The following RELT variants were observed in gnomAD, a reference collection of about 807,000 sequenced individuals.
The protein encoded by RELT is tumor necrosis factor receptor superfamily member 19L.
Under a neutral mutation model 51.1 loss-of-function variants are expected in RELT, and 37 were observed. The ratio of observed to expected loss-of-function variants is 0.72; its 90% CI spans 0.56 to 0.95. RELT has a LOEUF of 0.95. Among genes scored for constraint, RELT ranks in the 40% least tolerant of loss-of-function variants. The pLI, the probability that RELT is intolerant of heterozygous loss-of-function variation, is 0.00. For missense variants in RELT, 535 were observed against 572.6 expected, an observed-to-expected ratio of 0.93 and a Z score of 0.67; for synonymous variants, 241 against 235.7, an observed-to-expected ratio of 1.02 and a Z score of -0.21.
chr11:73,390,218 C>T (rs1866188095), intron 2 of RELT, among the ~76,000 whole-genome samples: 1 of 152,112 alleles, frequency 6.6e-6, no homozygotes, highest in Non-Finnish European at 1.5e-5. Flanking sequence ...GGGCAGAATA[C>T]GAGAGAGGAT....
chr11:73,395,180 C>G lies in RELT; in HGVS notation c.1140C>G (p.Leu380=). Residue 380 remains leucine (L), a synonymous_variant, in exon 10 of 11, where the codon CTC becomes CTG. Coordinates refer to ENST00000064780, the MANE Select transcript of RELT (RefSeq NM_152222.2). ...AGGCTGGGCCCTCGTGGGGTGATCTCCCTGACTCCCCACAGCCTGGCCTCC... is the reference window on the plus strand; with the variant it reads ...AGGCTGGGCCCTCGTGGGGTGATCTGCCTGACTCCCCACAGCCTGGCCTCC... ...ITEAGPSWGD[L]PDSPQPGLPP... 6.2e-7 allele frequency: 1 copy of G among 1,613,278 alleles called. No individual in the cohort carries two copies.
intron 1 of RELT, among the ~76,000 whole-genome samples, chr11:73,383,891 C>T (rs142592350): frequency 2.4e-4 from 37 of 152,364 alleles, no homozygotes; most frequent in Non-Finnish European, 5.0e-4. Context: ...GCCAGGGAAC[C>T]GCTGGGCTCC....
chr11:73,393,517 G>C (rs1437678432), intron 6 of RELT: 5 of 1,271,462 alleles, frequency 3.9e-6, no homozygotes, highest in African/African-American at 1.5e-5. Context: ...AGGCTGAGGA[G>C]GAGACAGTGC....
At chr11:73,379,867 T>TGAGGCCTTTCCTTCC (rs1195667259) in intron 1 of RELT, among the ~76,000 whole-genome samples, 1 of 152,240 alleles carries the variant, frequency 6.6e-6, no homozygotes, top group African/African-American at 2.4e-5. Context: ...CACCTGGCAA[T>TGAGGCCTTTCCTTCC]GAGGCCTTTC....
chr11:73,385,005 C>A (rs1378637006), intron 1 of RELT, among the ~76,000 whole-genome samples: 1 of 146,182 alleles, frequency 6.8e-6, no homozygotes, highest in African/African-American at 2.6e-5. Context: ...GCGTGGCAGG[C>A]GTGTGGGTGG....
chr11:73,388,960 C>T lies in RELT; in HGVS notation c.-25-152C>T, dbSNP rs991254838. Among the ~76,000 whole-genome samples the T allele has an allele frequency of 2.6e-5, 4 of 152,164 alleles. No homozygotes were observed. The highest frequency in any genetic ancestry group is 4.4e-5 in the Non-Finnish European group (3 of 68,012). ...CCCCCTCTGCTTGGGCCTGTGCTTG[C>T]GGGTGTGGAGCCGGCCTCCCCGGGC... On this transcript the variant is annotated intron_variant, in intron 1 of 10. Coordinates refer to ENST00000064780, the MANE Select transcript of RELT (RefSeq NM_152222.2). The surrounding 1 kb of genome is among the most constrained non-coding windows in gnomAD (Gnocchi z 4.1).
intron 4 of RELT, 44 bp downstream of exon 4, chr11:73,390,965 A>T: frequency 6.3e-7 from 1 of 1,596,612 alleles, no homozygotes; most frequent in South Asian, 1.1e-5. Flanking sequence ...CTGGGTGACC[A>T]GGACTCTGGA....
Position 73,394,470 on chromosome 11 carries a change from C to T in RELT, c.789-7C>T. 6.2e-7 allele frequency: 1 copy of T among 1,610,126 alleles called. No individual in the cohort carries two copies. Among genetic ancestry groups the T allele is most frequent in the Non-Finnish European group, 8.5e-7 (1 of 1,178,000 alleles). Reference sequence around the variant, plus strand: ...CCTATGGCCACTTCTGCCTGTGCCCCCTGCAGGCTGCCGCCAGCGCCCCCG... The same window carrying T: ...CCTATGGCCACTTCTGCCTGTGCCCTCTGCAGGCTGCCGCCAGCGCCCCCG... On this transcript the variant is annotated splice_polypyrimidine_tract_variant and splice_region_variant and intron_variant, in intron 8 of 10. Coordinates refer to ENST00000064780, the MANE Select transcript of RELT (RefSeq NM_152222.2). This position sits in a 1 kb window ranked among gnomAD's most constrained non-coding sequence, Gnocchi z 4.9.
chr11:73,378,558 G>A (rs1565217202), intron 1 of RELT, among the ~76,000 whole-genome samples: 2 of 152,220 alleles, frequency 1.3e-5, no homozygotes, highest in Non-Finnish European at 2.9e-5. Flanking sequence ...GTGAGATGCT[G>A]GGAGAGAGGA....
chr11:73,395,735 G>A lies in RELT; in HGVS notation c.*244G>A, dbSNP rs1021090807. The A allele has an allele frequency of 1.6e-5, 9 of 570,768 alleles. No individual in the cohort carries two copies. Among genetic ancestry groups the A allele is most frequent in the Non-Finnish European group, 2.5e-5 (8 of 319,434 alleles). 35.4% of individuals were successfully genotyped at this position (570,768 alleles called of 1,614,324 possible). On this transcript the variant is annotated 3_prime_UTR_variant, in exon 11 of 11. Coordinates refer to ENST00000064780, the MANE Select transcript of RELT (RefSeq NM_152222.2). ...GGCCCTGCTGCCATGTTGCTCCCCT[G>A]AAGGATGCCCCGACCCCCGTGCCTG...
chr11:73,377,946 C>T (rs1865996186), intron 1 of RELT, among the ~76,000 whole-genome samples: 3 of 152,176 alleles, frequency 2.0e-5, no homozygotes, highest in Admixed American at 2.0e-4. Flanking sequence ...GTCAAGGAAA[C>T]GTTAGCCTCC....
At position 73,396,813 on chromosome 11, in the gene RELT, G is replaced by A. The variant is rs1320431751; in HGVS notation, c.*1322G>A. ...CCAGAGGAGACCCATCAACTCATCT[G>A]GTTCTCACCAAAGCCCCTAGCTAGA... On this transcript the variant is annotated 3_prime_UTR_variant, in exon 11 of 11. Coordinates refer to ENST00000064780, the MANE Select transcript of RELT (RefSeq NM_152222.2). 6.6e-6 allele frequency: 1 copy of A among 152,224 alleles called. No individual in the cohort carries two copies. The highest frequency in any genetic ancestry group is 1.5e-5 in the Non-Finnish European group (1 of 68,046). The allele number at this position is 152,224 out of a possible 1,614,324, so 9.4% of individuals were successfully genotyped here. A position where few individuals can be genotyped will look rare whatever the true frequency, so the allele number is the denominator to read the frequency against.
In RELT at chr11:73,395,118, A is replaced by C. The variant is rs1401717205; in HGVS notation, c.1078A>C (p.Thr360Pro). 5 of 1,613,516 alleles carry C rather than the reference A, an allele frequency of 3.1e-6. No individual in the cohort carries two copies. The highest frequency in any genetic ancestry group is 3.3e-4 in the Middle Eastern group (2 of 6,084). ...FRVARIPEQR[T>P]SSMVSEVKTI... ...CGTGGCTCGAATTCCTGAGCAGCGG[A>C]CAAGTTCAATGGTGTCTGAGGTGAA... Residue 360 changes from threonine to proline, a missense_variant, in exon 10 of 11, where the codon ACA becomes CCA. Thr to Pro is a conservative substitution (Grantham distance 38). Coordinates refer to ENST00000064780, the MANE Select transcript of RELT (RefSeq NM_152222.2).
At chr11:73,377,271 T>TGTGTGTGTGTGTGTGG (rs759521139) in intron 1 of RELT, among the ~76,000 whole-genome samples, 2 of 149,526 alleles carry the variant, frequency 1.3e-5, no homozygotes, top group Middle Eastern at 3.2e-3. Context: ...GTGGTGTCAG[T>TGTGTGTGTGTGTGTGG]GTGTGTGTGT....
chr11:73,390,225 G>A (rs1866188201), intron 2 of RELT, among the ~76,000 whole-genome samples: 1 of 152,142 alleles, frequency 6.6e-6, no homozygotes, highest in South Asian at 2.1e-4. Flanking sequence ...ATACGAGAGA[G>A]GATTCGGAAG....
chr11:73,395,194 A>G lies in RELT; in HGVS notation c.1154A>G (p.Gln385Arg), dbSNP rs1866295567. The part of the protein sequence containing the change: ...PSWGDLPDSP[Q>R]PGLPPEQQAL... The stretch of plus-strand genomic sequence containing the variant: ...TGGGGTGATCTCCCTGACTCCCCAC[A>G]GCCTGGCCTCCCCCCTGAGCAGCAG... The change falls in exon 10 of 11, where the codon CAG becomes CGG. Residue 385 changes from glutamine (Q) to arginine (R), a missense_variant. Coordinates refer to ENST00000064780, the MANE Select transcript of RELT (RefSeq NM_152222.2). 1 of 1,613,150 alleles carries G rather than the reference A, an allele frequency of 6.2e-7. No individual in the cohort carries two copies. The highest frequency in any genetic ancestry group is 1.3e-5 in the African/African-American group (1 of 74,912).
rs1866286494 is a variant in RELT, at chr11:73,394,900, T to C, written c.1046+166T>C. 4.3e-6 allele frequency: 4 copies of C among 939,638 alleles called. No homozygotes were observed. The highest frequency in any genetic ancestry group is 6.3e-6 in the Non-Finnish European group (4 of 636,448). The allele number at this position is 939,638 out of a possible 1,614,324, so 58.2% of individuals were successfully genotyped here. On this transcript the variant is annotated intron_variant, in intron 9 of 10. Transcript: ENST00000064780. The surrounding 1 kb of genome is among the most constrained non-coding windows in gnomAD (Gnocchi z 4.9). ...GAGGCGGCCAGAGAGATCAGGACTT[T>C]CCGGTTATGTTGTGTCTCACATGGA...
chr11:73,391,291 C>T, intron 5 of RELT, 68 bp downstream of exon 5: 2 of 1,429,942 alleles, frequency 1.4e-6, no homozygotes, highest in South Asian at 1.2e-5. Flanking sequence ...AGTTGGAGCC[C>T]AGCAGCCTCT....
At position 73,394,792 on chromosome 11, in the gene RELT, G is replaced by A; in HGVS notation, c.1046+58G>A. 2 of 1,571,882 alleles carry A rather than the reference G, an allele frequency of 1.3e-6. No homozygotes were observed. The highest frequency in any genetic ancestry group is 4.5e-5 in the East Asian group (2 of 44,216). ...AAAGACGTGACAGCCTGGGGGCCGG[G>A]AGGGGGAGGCAGGGCCCCAGCTTGG... On this transcript the variant is annotated intron_variant, in intron 9 of 10. Coordinates refer to ENST00000064780, the MANE Select transcript of RELT (RefSeq NM_152222.2). This position sits in a 1 kb window ranked among gnomAD's most constrained non-coding sequence, Gnocchi z 4.9.
Sources: allele counts gnomAD v4.1 joint callset (sites outside exome capture counted in the v4.1 genomes callset), GRCh38; gene constraint gnomAD v4.1.1; non-coding constraint Gnocchi (gnomAD v3.1); transcripts MANE v1.5; gene names NCBI Gene and HGNC (gene_info 2026-07-23, HGNC 2026-07-21).